Variants in SLC35F1 observed in about 807,000 individuals in gnomAD.
SLC35F1 encodes chromosome 6 open reading frame 169.
Under a neutral mutation model 48.7 loss-of-function variants are expected in SLC35F1, and 14 were observed. The ratio of observed to expected loss-of-function variants is 0.29; its 90% CI spans 0.19 to 0.45. SLC35F1 has a LOEUF of 0.45. Among genes scored for constraint, SLC35F1 ranks in the 20% least tolerant of loss-of-function variants. The probability of loss-of-function intolerance (pLI) is 1.00; values close to 1 mark genes in which losing one functional copy is unlikely to be tolerated. For synonymous variants in SLC35F1, 190 were observed against 202.2 expected, an observed-to-expected ratio of 0.94 and a Z score of 0.51; for missense variants, 404 against 500.0, an observed-to-expected ratio of 0.81 and a Z score of 1.83.
intron 6 of SLC35F1, among the ~76,000 whole-genome samples, chr6:118,281,200 C>CTATA (rs756821926): frequency 0.021 from 2,571 of 119,710 alleles, 20 homozygotes; most frequent in East Asian, 0.031. Context: ...CTCTCTCTCT[C>CTATA]TCTCTATATA....
At chr6:117,998,759 G>A (rs1345713826) in intron 1 of SLC35F1, among the ~76,000 whole-genome samples, 3 of 152,158 alleles carry the variant, frequency 2.0e-5, no homozygotes, top group Non-Finnish European at 4.4e-5. Context: ...CAGAATCTCT[G>A]GGACACATTC....
chr6:118,265,734 G>A (rs1775765456), intron 3 of SLC35F1, among the ~76,000 whole-genome samples: 2 of 152,218 alleles, frequency 1.3e-5, no homozygotes, highest in South Asian at 2.1e-4. Context: ...TAGGATATAG[G>A]CAATGAAAGT....
At chr6:117,998,346 G>A (rs1220256644) in intron 1 of SLC35F1, among the ~76,000 whole-genome samples, 1 of 150,938 alleles carries the variant, frequency 6.6e-6, no homozygotes, top group Non-Finnish European at 1.5e-5. Flanking sequence ...ACACCCCACT[G>A]TCAACATTAG....
chr6:118,285,735 A>G (rs1776041318), intron 7 of SLC35F1, among the ~76,000 whole-genome samples: 1 of 152,244 alleles, frequency 6.6e-6, no homozygotes, highest in African/African-American at 2.4e-5. Context: ...TCTTTGGAGA[A>G]AAGACACAAT....
chr6:118,185,614 T>C (rs1774644600), intron 2 of SLC35F1, among the ~76,000 whole-genome samples: 1 of 152,090 alleles, frequency 6.6e-6, no homozygotes, highest in Non-Finnish European at 1.5e-5. Context: ...CCTTTATAAA[T>C]ATTCTATTGA....
At chr6:118,093,248 G>T (rs73514517) in intron 1 of SLC35F1, among the ~76,000 whole-genome samples, 2 of 151,816 alleles carry the variant, frequency 1.3e-5, no homozygotes, top group Non-Finnish European at 2.9e-5. Flanking sequence ...CCCAGCAGGC[G>T]GTGCTTGCAG....
Position 117,963,090 on chromosome 6 carries a change from G to A in SLC35F1, c.173+55191G>A, listed in dbSNP as rs544086254. Among the ~76,000 whole-genome samples, 171 of 152,242 alleles carry A rather than the reference G, an allele frequency of 1.1e-3. 2 individuals carry two copies. The South Asian group carries it at 0.031, about 27-fold the overall frequency. ...GGATTTGTAACACTTGCCAATTTCC[G>A]TGATTTATCTACTTCCAATATGGCA... On this transcript the variant is annotated intron_variant, in intron 1 of 7. Transcript: ENST00000360388.
intron 3 of SLC35F1, among the ~76,000 whole-genome samples, chr6:118,247,935 A>T (rs1477277242): frequency 6.6e-6 from 1 of 152,256 alleles, no homozygotes; most frequent in Admixed American, 6.5e-5. Flanking sequence ...AGAAAGTATT[A>T]TCTAGCATAA....
At chr6:118,293,672 G>A (rs970033741) in intron 7 of SLC35F1, among the ~76,000 whole-genome samples, 18 of 152,302 alleles carry the variant, frequency 1.2e-4, no homozygotes, top group Middle Eastern at 3.4e-3. Flanking sequence ...GGCCAGCTGG[G>A]ATGTATGGAC....
At chr6:118,089,836 C>A (rs563145273) in intron 1 of SLC35F1, among the ~76,000 whole-genome samples, 1 of 152,106 alleles carries the variant, frequency 6.6e-6, no homozygotes, top group Non-Finnish European at 1.5e-5. Flanking sequence ...TTTGACTTTG[C>A]AAAACTGGAA....
At chr6:118,018,745 G>A (rs1323055704) in intron 1 of SLC35F1, among the ~76,000 whole-genome samples, 3 of 152,160 alleles carry the variant, frequency 2.0e-5, no homozygotes, top group Admixed American at 2.0e-4. Context: ...CATAGAGCTA[G>A]CTGGGGATGT....
At chr6:118,220,432 C>G (rs1205387510) in intron 2 of SLC35F1, among the ~76,000 whole-genome samples, 1 of 152,134 alleles carries the variant, frequency 6.6e-6, no homozygotes, top group Non-Finnish European at 1.5e-5. Context: ...TATTCTTATA[C>G]CAAAAGCTAC....
intron 1 of SLC35F1, among the ~76,000 whole-genome samples, chr6:117,924,517 T>G (rs1329403392): frequency 9.1e-6 from 1 of 110,320 alleles, no homozygotes; most frequent in Non-Finnish European, 1.9e-5. Context: ...TATATACATA[T>G]ATATATGTCA....
intron 2 of SLC35F1, among the ~76,000 whole-genome samples, chr6:118,158,820 A>G (rs1440117373): frequency 2.0e-5 from 3 of 152,208 alleles, no homozygotes; most frequent in Admixed American, 6.5e-5. Context: ...TTTGGGTACT[A>G]TCTTCCTTAC....
chr6:117,941,009 T>A (rs899535038), intron 1 of SLC35F1, among the ~76,000 whole-genome samples: 2 of 152,152 alleles, frequency 1.3e-5, no homozygotes, highest in East Asian at 3.9e-4. Flanking sequence ...AAATACAAAA[T>A]GGCAACTTGC....
intron 1 of SLC35F1, among the ~76,000 whole-genome samples, chr6:117,950,845 A>G (rs1776355174): frequency 6.6e-6 from 1 of 152,236 alleles, no homozygotes; most frequent in African/African-American, 2.4e-5. Context: ...GGCACAGAAG[A>G]AAGCAGGTGT....
chr6:117,948,218 G>A (rs1467595748), intron 1 of SLC35F1, among the ~76,000 whole-genome samples: 1 of 152,110 alleles, frequency 6.6e-6, no homozygotes, highest in African/African-American at 2.4e-5. Flanking sequence ...AGTGCATGGA[G>A]GTTGGGGTGA....
intron 1 of SLC35F1, among the ~76,000 whole-genome samples, chr6:118,081,225 G>C (rs1419417227): frequency 3.3e-5 from 5 of 152,116 alleles, no homozygotes; most frequent in African/African-American, 1.2e-4. Flanking sequence ...AAACCTTATA[G>C]AGATGTTAAA....
chr6:117,945,077 A>T (rs1303815480), intron 1 of SLC35F1, among the ~76,000 whole-genome samples: 1 of 152,204 alleles, frequency 6.6e-6, no homozygotes. Context: ...GACAGATGAT[A>T]ATAAGTTACA....
Sources: allele counts gnomAD v4.1 joint callset (sites outside exome capture counted in the v4.1 genomes callset), GRCh38; gene constraint gnomAD v4.1.1; transcripts MANE v1.5; gene names NCBI Gene and HGNC (gene_info 2026-07-23, HGNC 2026-07-21).